Variants in MYO9B observed in about 807,000 individuals in gnomAD.
The protein encoded by MYO9B is unconventional myosin-IXb.
A neutral mutation model predicts 229.5 loss-of-function variants in MYO9B; 71 were observed. That is an observed-to-expected ratio of 0.31 (90% CI 0.26 to 0.38). MYO9B has a LOEUF of 0.38. Among genes scored for constraint, MYO9B ranks in the 10% least tolerant of loss-of-function variants. The probability of loss-of-function intolerance (pLI) is 1.00; values close to 1 mark genes in which losing one functional copy is unlikely to be tolerated. For synonymous variants in MYO9B, 1,185 were observed against 1,235.8 expected (o/e 0.96, Z 0.86); for missense variants, 2,255 against 2,920.5 (o/e 0.77, Z 5.25).
chr19:17,123,590 G>A lies in MYO9B; in HGVS notation c.840+21033G>A, dbSNP rs535972370. Among the ~76,000 whole-genome samples the A allele has an allele frequency of 2.6e-5, 4 of 152,192 alleles. No individual in the cohort carries two copies. The South Asian group carries it at 6.2e-4, about 24-fold the overall frequency. ...GAAATAGCTGGGATTACAGGCGCAC[G>A]CCATCACACCTGGCTAATTTTTGTA... On this transcript the variant is annotated intron_variant, in intron 2 of 39. Coordinates refer to ENST00000682292, the MANE Select transcript of MYO9B (RefSeq NM_004145.4).
intron 2 of MYO9B, among the ~76,000 whole-genome samples, chr19:17,116,211 G>T (rs556233095): frequency 6.6e-6 from 1 of 152,190 alleles, no homozygotes; most frequent in Non-Finnish European, 1.5e-5. Flanking sequence ...CCTGCAGGGC[G>T]CACAGTCTGC....
intron 1 of MYO9B, among the ~76,000 whole-genome samples, chr19:17,085,566 G>A (rs10408887): frequency 0.36 from 54,051 of 151,844 alleles, 10,342 homozygotes; most frequent in African/African-American, 0.47. Flanking sequence ...GCTCATGCCT[G>A]TAATTCCAGC....
Position 17,102,191 on chromosome 19 carries a change from C to A in MYO9B, c.474C>A (p.Thr158=). 1 of 1,613,932 alleles carries A rather than the reference C, an allele frequency of 6.2e-7. No individual in the cohort carries two copies. Residue 158 remains threonine, a synonymous_variant, in exon 2 of 40, where the codon ACC becomes ACA. Transcript: ENST00000682292. The part of the protein sequence containing the change: ...FDDLCNLPEL[T]EGNLLKNLKH... ...ACCTGTGTAACCTCCCCGAGCTAACCGAGGGCAACCTCCTGAAGAACCTCA... is the reference window on the plus strand; with the variant it reads ...ACCTGTGTAACCTCCCCGAGCTAACAGAGGGCAACCTCCTGAAGAACCTCA...
intron 38 of MYO9B, 129 bp downstream of exon 38, chr19:17,210,977 CTTTT>C (rs35355662): frequency 5.9e-3 from 1,947 of 331,718 alleles, no homozygotes; most frequent in Middle Eastern, 8.8e-3. Flanking sequence ...GCAAACAACA[CTTTT>C]TTTTTTTTTT....
In MYO9B at chr19:17,165,678, G is replaced by A. The variant is rs577820682; in HGVS notation, c.1672-2265G>A. ...TAGTCCTAGCTACTGGGGAGGTTGAGGCAGGTGGATCACTCGAGCCCAGGA... is the reference window on the plus strand; with the variant it reads ...TAGTCCTAGCTACTGGGGAGGTTGAAGCAGGTGGATCACTCGAGCCCAGGA... On this transcript the variant is annotated intron_variant, in intron 10 of 39. Coordinates refer to ENST00000682292, the MANE Select transcript of MYO9B (RefSeq NM_004145.4). Among the ~76,000 whole-genome samples, 354 of 152,272 alleles carry A rather than the reference G, an allele frequency of 2.3e-3. 1 individual carries two copies. The highest frequency in any genetic ancestry group is 1.6e-3 in the Non-Finnish European group (108 of 68,028).
intron 1 of MYO9B, among the ~76,000 whole-genome samples, chr19:17,087,764 T>TA (rs2057597367): frequency 1.3e-5 from 2 of 152,078 alleles, no homozygotes; most frequent in African/African-American, 2.4e-5. Context: ...ACCCTGTCTC[T>TA]AGTAAATACA....
At chr19:17,158,724 T>C (rs2072564834) in intron 7 of MYO9B, among the ~76,000 whole-genome samples, 2 of 152,150 alleles carry the variant, frequency 1.3e-5, no homozygotes, top group Admixed American at 1.3e-4. Flanking sequence ...GGGTAAGGTC[T>C]AAGCCCAGGC....
At chr19:17,135,341 G>C (rs928041441) in intron 2 of MYO9B, among the ~76,000 whole-genome samples, 1 of 151,384 alleles carries the variant, frequency 6.6e-6, no homozygotes, top group African/African-American at 2.4e-5. Flanking sequence ...GGGTTTTATA[G>C]CCTGGGGGGA....
chr19:17,193,197 G>A lies in MYO9B; in HGVS notation c.3128+135G>A, dbSNP rs1256539223. The A allele has an allele frequency of 9.3e-7, 1 of 1,071,102 alleles. No homozygotes were observed. The highest frequency in any genetic ancestry group is 2.0e-5 in the South Asian group (1 of 50,486). 66.3% of individuals were successfully genotyped at this position (1,071,102 alleles called of 1,614,324 possible). On this transcript the variant is annotated intron_variant, in intron 21 of 39. Coordinates refer to ENST00000682292, the MANE Select transcript of MYO9B (RefSeq NM_004145.4). This position sits in a 1 kb window ranked among gnomAD's most constrained non-coding sequence, Gnocchi z 4.3. ...ATTCTGGACACAGGGAAAGGCTGGT[G>A]GGAAACCAGATGCCTAGGCACTCAT...
chr19:17,168,986 G>A (rs537450698), intron 11 of MYO9B, among the ~76,000 whole-genome samples: 4 of 152,196 alleles, frequency 2.6e-5, no homozygotes, highest in South Asian at 2.1e-4. Context: ...GACACATACC[G>A]AACTACTTTC....
At chr19:17,200,164 T>C (rs2073091569) in intron 24 of MYO9B, 129 bp from the exon 25 acceptor site, 2 of 1,224,116 alleles carry the variant, frequency 1.6e-6, no homozygotes, top group East Asian at 5.0e-5. Context: ...TAAGCCACCA[T>C]GCCAGGCCAG....
intron 22 of MYO9B, among the ~76,000 whole-genome samples, chr19:17,197,004 G>A (rs115436704): frequency 0.042 from 6,376 of 152,120 alleles, 181 homozygotes; most frequent in Middle Eastern, 0.12. Flanking sequence ...AGCCGGGTTC[G>A]GGGGCTCACA....
At chr19:17,200,193 C>T in intron 24 of MYO9B, 100 bp from the exon 25 acceptor site, 1 of 1,424,618 alleles carries the variant, frequency 7.0e-7, no homozygotes, top group South Asian at 1.4e-5. Context: ...TTGAGTCAGG[C>T]ATTGATAGAG....
At chr19:17,163,983 C>T (rs761674642) in intron 10 of MYO9B, among the ~76,000 whole-genome samples, 4 of 152,152 alleles carry the variant, frequency 2.6e-5, no homozygotes, top group East Asian at 1.9e-4. Flanking sequence ...TCAATTCTTT[C>T]GGGTATATAC....
intron 30 of MYO9B, among the ~76,000 whole-genome samples, chr19:17,204,459 G>A (rs2145502295): frequency 6.6e-6 from 1 of 151,676 alleles, no homozygotes; most frequent in South Asian, 2.1e-4. Context: ...GGCTGGGTCT[G>A]AGGCCATGAA....
chr19:17,135,518 A>G (rs1249019457), intron 2 of MYO9B, among the ~76,000 whole-genome samples: 2 of 152,104 alleles, frequency 1.3e-5, no homozygotes, highest in East Asian at 3.9e-4. Context: ...AGCCCAGCCA[A>G]GCAGCAACAC....
intron 11 of MYO9B, among the ~76,000 whole-genome samples, chr19:17,169,311 G>A (rs2072694458): frequency 7.0e-6 from 1 of 143,736 alleles, no homozygotes; most frequent in South Asian, 2.2e-4. Context: ...GGCGGAGGTT[G>A]CAGTGAGCGG....
chr19:17,096,810 A>G (rs1200408177), intron 1 of MYO9B, among the ~76,000 whole-genome samples: 2 of 146,586 alleles, frequency 1.4e-5, no homozygotes, highest in African/African-American at 5.1e-5. Context: ...GGTTCACGCC[A>G]TTCTCCTGCC....
At chr19:17,132,178 C>CTTTTTTTTTTT (rs60927116) in intron 2 of MYO9B, among the ~76,000 whole-genome samples, 28 of 78,444 alleles carry the variant, frequency 3.6e-4, no homozygotes, top group East Asian at 7.0e-4. Flanking sequence ...TATTTTATTT[C>CTTTTTTTTTTT]TTTTTTTTTT....
Sources: gnomAD v4.1 joint callset for allele counts (sites outside exome capture counted in the v4.1 genomes callset) on GRCh38, gnomAD v4.1.1 for gene constraint, Gnocchi (gnomAD v3.1) non-coding constraint, MANE v1.5 for transcripts, NCBI Gene and HGNC (gene_info 2026-07-23, HGNC 2026-07-21) for gene names.